Variants in ACYP2 observed in about 807,000 individuals in gnomAD.
ACYP2 encodes acylphosphatase 2.
ACYP2 carries 12 observed loss-of-function variants against 11.2 expected under a neutral mutation model. The observed-to-expected ratio is 1.08, with a 90% CI of 0.69 to 1.74. The LOEUF is 1.74. Among genes scored for constraint, ACYP2 ranks in the 40% most tolerant of loss-of-function variants. The probability of loss-of-function intolerance (pLI) is 0.00; values close to 1 mark genes in which losing one functional copy is unlikely to be tolerated. For synonymous variants in ACYP2, 43 were observed against 32.2 expected, an observed-to-expected ratio of 1.33 and a Z score of -1.13; for missense variants, 134 against 101.9, an observed-to-expected ratio of 1.31 and a Z score of -1.35.
chr2:54,276,159 T>C (rs2104099623), intron 6 of ACYP2, among the ~76,000 whole-genome samples: 1 of 151,118 alleles, frequency 6.6e-6, no homozygotes, highest in East Asian at 1.9e-4. Flanking sequence ...TGAGTTTTTA[T>C]CCCAAAATAC....
chr2:54,120,648 C>G (rs1367942421), intron 4 of ACYP2, among the ~76,000 whole-genome samples: 2 of 152,170 alleles, frequency 1.3e-5, no homozygotes, highest in African/African-American at 4.8e-5. Context: ...TTTGCTTGGG[C>G]CCACTGGGCT....
chr2:54,216,951 T>C (rs1685582631), intron 6 of ACYP2, among the ~76,000 whole-genome samples: 1 of 152,268 alleles, frequency 6.6e-6, no homozygotes, highest in African/African-American at 2.4e-5. Context: ...CTTGCTCTGA[T>C]GATTACTAGT....
chr2:54,078,971 A>G (rs559353769), intron 4 of ACYP2, among the ~76,000 whole-genome samples: 1 of 152,200 alleles, frequency 6.6e-6, no homozygotes, highest in Non-Finnish European at 1.5e-5. Context: ...TGCCGTAGGC[A>G]TATATTGTTT....
intron 2 of ACYP2, among the ~76,000 whole-genome samples, chr2:53,989,474 A>G (rs1248292278): frequency 1.3e-5 from 2 of 152,064 alleles, no homozygotes; most frequent in African/African-American, 2.4e-5. Flanking sequence ...AAATGCACCT[A>G]ATGTGTGTAT....
intron 2 of ACYP2, among the ~76,000 whole-genome samples, chr2:54,048,695 A>G (rs1675661001): frequency 6.6e-6 from 1 of 152,226 alleles, no homozygotes; most frequent in Admixed American, 6.5e-5. Flanking sequence ...GTTCAGTAGT[A>G]TTAAATGCAT....
At chr2:54,171,614 G>T (rs376154864) in intron 6 of ACYP2, among the ~76,000 whole-genome samples, 26 of 152,206 alleles carry the variant, frequency 1.7e-4, no homozygotes, top group African/African-American at 5.8e-4. Flanking sequence ...ACCAGTAGAA[G>T]CATTACAAAT....
At chr2:54,120,110 G>C (rs1158432402) in intron 4 of ACYP2, among the ~76,000 whole-genome samples, 2 of 152,202 alleles carry the variant, frequency 1.3e-5, no homozygotes, top group African/African-American at 4.8e-5. Context: ...TGTTAACCTT[G>C]ATCACCTGGC....
At chr2:54,240,319 G>C (rs1686678549) in intron 6 of ACYP2, among the ~76,000 whole-genome samples, 1 of 152,182 alleles carries the variant, frequency 6.6e-6, no homozygotes, top group South Asian at 2.1e-4. Flanking sequence ...TATTACTTTA[G>C]AGTAGAAAAC....
At chr2:53,984,939 T>C (rs1350846806) in intron 2 of ACYP2, among the ~76,000 whole-genome samples, 3 of 152,100 alleles carry the variant, frequency 2.0e-5, no homozygotes, top group African/African-American at 7.2e-5. Context: ...ACAATGAAAC[T>C]TTGGAAGCCA....
chr2:54,121,235 G>A (rs561432420), intron 4 of ACYP2, among the ~76,000 whole-genome samples: 1 of 152,304 alleles, frequency 6.6e-6, no homozygotes, highest in Admixed American at 6.5e-5. Flanking sequence ...GAGGGGGCCT[G>A]AAAGTGGATA....
intron 6 of ACYP2, among the ~76,000 whole-genome samples, chr2:54,190,087 C>G (rs1684179563): frequency 6.6e-6 from 1 of 152,088 alleles, no homozygotes; most frequent in South Asian, 2.1e-4. Flanking sequence ...TGTATGAGTT[C>G]TTTATAAATT....
intron 4 of ACYP2, among the ~76,000 whole-genome samples, chr2:54,118,198 CTT>C (rs1196005673): frequency 3.3e-5 from 5 of 152,318 alleles, no homozygotes; most frequent in Admixed American, 3.3e-4. Flanking sequence ...GATCTGTACT[CTT>C]TAGAAAGTCT....
chr2:54,250,649 G>A (rs933789600), intron 6 of ACYP2, among the ~76,000 whole-genome samples: 3 of 152,026 alleles, frequency 2.0e-5, no homozygotes, highest in African/African-American at 4.8e-5. Flanking sequence ...TTTCAAAGGC[G>A]GTAAGTTAAT....
chr2:54,091,153 G>C (rs1356083056), intron 4 of ACYP2, among the ~76,000 whole-genome samples: 1 of 152,186 alleles, frequency 6.6e-6, no homozygotes, highest in Non-Finnish European at 1.5e-5. Context: ...ACATTTCAAA[G>C]CAGCTCAAAG....
At chr2:54,266,994 C>T (rs13411098) in intron 6 of ACYP2, among the ~76,000 whole-genome samples, 28,202 of 152,004 alleles carry the variant, frequency 0.19, 2,673 homozygotes, top group African/African-American at 0.23. Flanking sequence ...GCCTATAAAG[C>T]TCTTCCTTTT....
intron 6 of ACYP2, among the ~76,000 whole-genome samples, chr2:54,285,873 G>A (rs1276227668): frequency 3.3e-5 from 5 of 152,178 alleles, no homozygotes; most frequent in Non-Finnish European, 7.3e-5. Flanking sequence ...TATGAGAATG[G>A]AGGACAACAT....
At chr2:53,991,261 T>C (rs564729312) in intron 2 of ACYP2, among the ~76,000 whole-genome samples, 2 of 152,350 alleles carry the variant, frequency 1.3e-5, no homozygotes, top group East Asian at 3.9e-4. Flanking sequence ...CATCTGTTAA[T>C]GGACGTTTTG....
At chr2:54,098,726 C>CTTT (rs34123335) in intron 4 of ACYP2, among the ~76,000 whole-genome samples, 32 of 140,780 alleles carry the variant, frequency 2.3e-4, no homozygotes, top group African/African-American at 7.5e-4. Context: ...GACAATGTCC[C>CTTT]TTTTTTTTTT....
chr2:53,985,097 T>C (rs1671967965), intron 2 of ACYP2, among the ~76,000 whole-genome samples: 1 of 145,770 alleles, frequency 6.9e-6, no homozygotes. Flanking sequence ...TGAGATGGAG[T>C]CTCGCTCTGT....
Sources: allele counts gnomAD v4.1 joint callset (sites outside exome capture counted in the v4.1 genomes callset), GRCh38; gene constraint gnomAD v4.1.1; transcripts MANE v1.5; gene names NCBI Gene and HGNC (gene_info 2026-07-23, HGNC 2026-07-21).